Variants in SENP5 observed in about 807,000 individuals in gnomAD.
SENP5 encodes the protein SUMO specific peptidase 5, also known as sentrin-specific protease 5.
Under a neutral mutation model 74.2 loss-of-function variants are expected in SENP5, and 21 were observed. That is an observed-to-expected ratio of 0.28 (90% CI 0.20 to 0.41). The LOEUF is 0.41. SENP5 is among the 10% of genes least tolerant of loss of function. The pLI, the probability that SENP5 is intolerant of heterozygous loss-of-function variation, is 1.00. For synonymous variants in SENP5, 311 were observed against 312.7 expected (o/e 0.99, Z 0.06); for missense variants, 717 against 889.1 (o/e 0.81, Z 2.46).
At chr3:196,920,550 G>A (rs1056731465) in intron 6 of SENP5, among the ~76,000 whole-genome samples, 1 of 152,130 alleles carries the variant, frequency 6.6e-6, no homozygotes, top group Non-Finnish European at 1.5e-5. Flanking sequence ...GGCTAAGACT[G>A]GCTGCAGTGT....
intron 6 of SENP5, among the ~76,000 whole-genome samples, chr3:196,907,772 T>G (rs990031981): frequency 2.0e-5 from 3 of 151,674 alleles, no homozygotes; most frequent in Non-Finnish European, 2.9e-5. Flanking sequence ...GCAAAAAAGA[T>G]CTCATAAAAG....
chr3:196,873,262 G>A (rs1204211823), intron 1 of SENP5, among the ~76,000 whole-genome samples: 4 of 151,292 alleles, frequency 2.6e-5, no homozygotes, highest in Admixed American at 1.3e-4. Flanking sequence ...TAGTAGAGAC[G>A]GGGTTTCTCC....
At chr3:196,904,676 C>T (rs999413096) in intron 6 of SENP5, among the ~76,000 whole-genome samples, 1 of 152,044 alleles carries the variant, frequency 6.6e-6, no homozygotes, top group African/African-American at 2.4e-5. Flanking sequence ...GTAACCCCAG[C>T]TACTTGGGAG....
chr3:196,912,430 G>A (rs2108850020), intron 6 of SENP5, among the ~76,000 whole-genome samples: 1 of 152,218 alleles, frequency 6.6e-6, no homozygotes. Context: ...AGGGGGTTGG[G>A]GGCAAAGAGA....
At chr3:196,895,412 T>C (rs1560148189) in intron 2 of SENP5, among the ~76,000 whole-genome samples, 1 of 152,054 alleles carries the variant, frequency 6.6e-6, no homozygotes. Context: ...GGTCTCGATC[T>C]CCTGACCTCG....
chr3:196,897,126 T>C (rs1364860264), intron 2 of SENP5, among the ~76,000 whole-genome samples: 1 of 152,236 alleles, frequency 6.6e-6, no homozygotes, highest in African/African-American at 2.4e-5. Flanking sequence ...GACACTGCCT[T>C]CTTATTTGAG....
chr3:196,885,657 C>T lies in SENP5; in HGVS notation c.476C>T (p.Thr159Ile). 1 of 1,614,210 alleles carries T rather than the reference C, an allele frequency of 6.2e-7. No homozygotes were observed. Among genetic ancestry groups the T allele is most frequent in the Non-Finnish European group, 8.5e-7 (1 of 1,180,054 alleles). Residue 159 changes from threonine to isoleucine, a missense_variant, in exon 2 of 10, where the codon ACA (threonine) becomes ATA (isoleucine). Thr to Ile is a moderately conservative substitution (Grantham distance 89). Coordinates refer to ENST00000323460, the MANE Select transcript of SENP5 (RefSeq NM_152699.5). ...CAGGCCAATGGTCACAGACCTAGGACAGACCCACAACCTTCTGACTTTCCC... is the reference window on the plus strand; with the variant it reads ...CAGGCCAATGGTCACAGACCTAGGATAGACCCACAACCTTCTGACTTTCCC... ...LGQANGHRPR[T>I]DPQPSDFPMK...
chr3:196,919,451 A>T (rs1349455216), intron 6 of SENP5, among the ~76,000 whole-genome samples: 1 of 152,218 alleles, frequency 6.6e-6, no homozygotes, highest in Admixed American at 6.5e-5. Context: ...ACTGCACTCC[A>T]GCCTGGGCTA....
At chr3:196,901,348 T>G (rs891468561) in intron 5 of SENP5, among the ~76,000 whole-genome samples, 11 of 152,086 alleles carry the variant, frequency 7.2e-5, no homozygotes, top group Non-Finnish European at 1.3e-4. Context: ...CCAGGCCAGC[T>G]TTTTACATTT....
Position 196,885,773 on chromosome 3 carries a change from G to C in SENP5, c.592G>C (p.Gly198Arg). ...CCATAAGAGAAAGGGCTTTTGTTAC[G>C]GCTGCTGCCAAGGGCCGGAGCACCA... Reference protein sequence around the residue: ...NNHKRKGFCYGCCQGPEHHRN... With the variant: ...NNHKRKGFCYRCCQGPEHHRN... Residue 198 changes from glycine to arginine, a missense_variant, in exon 2 of 10, where the codon GGC (glycine) becomes CGC (arginine). Gly to Arg is a moderately radical substitution (Grantham distance 125). Coordinates refer to ENST00000323460, the MANE Select transcript of SENP5 (RefSeq NM_152699.5). 1.9e-6 allele frequency: 3 copies of C among 1,614,170 alleles called. No individual in the cohort carries two copies. The highest frequency in any genetic ancestry group is 2.5e-6 in the Non-Finnish European group (3 of 1,180,032).
intron 1 of SENP5, among the ~76,000 whole-genome samples, chr3:196,881,162 G>A (rs1209651004): frequency 6.6e-6 from 1 of 151,816 alleles, no homozygotes; most frequent in Non-Finnish European, 1.5e-5. Context: ...TGCCCAGAGT[G>A]GTCTCAAACT....
intron 7 of SENP5, among the ~76,000 whole-genome samples, chr3:196,926,147 A>G (rs553707208): frequency 2.2e-4 from 33 of 152,340 alleles, no homozygotes; most frequent in Middle Eastern, 3.4e-3. Flanking sequence ...GCCGGTGACC[A>G]TTTTTAAGGA....
At chr3:196,903,387 GCCT>G in intron 5 of SENP5, 143 bp from the exon 6 acceptor site, 1 of 512,288 alleles carries the variant, frequency 2.0e-6, no homozygotes, top group South Asian at 3.2e-5. Context: ...TGATCCACTT[GCCT>G]CCTCAATCAT....
chr3:196,901,288 G>A (rs552369404), intron 5 of SENP5, among the ~76,000 whole-genome samples: 2 of 151,070 alleles, frequency 1.3e-5, no homozygotes, highest in African/African-American at 4.9e-5. Flanking sequence ...CTGGTGATCC[G>A]CCCACCTCCC....
At chr3:196,902,804 G>A (rs1465033717) in intron 5 of SENP5, among the ~76,000 whole-genome samples, 1 of 152,202 alleles carries the variant, frequency 6.6e-6, no homozygotes, top group Non-Finnish European at 1.5e-5. Flanking sequence ...GTAATTCTGT[G>A]GTACTAGAAA....
intron 2 of SENP5, among the ~76,000 whole-genome samples, chr3:196,898,178 T>TAAAAAAAAA (rs59960385): frequency 4.9e-5 from 7 of 143,360 alleles, no homozygotes; most frequent in East Asian, 2.0e-4. Context: ...GGCTTTGTCT[T>TAAAAAAAAA]AAAAAAAAAG....
intron 6 of SENP5, among the ~76,000 whole-genome samples, chr3:196,916,675 G>A (rs570813057): frequency 5.6e-4 from 85 of 151,928 alleles, no homozygotes; most frequent in Non-Finnish European, 5.4e-4. Context: ...TTACAGGCAT[G>A]TGCCACTATG....
At position 196,929,627 on chromosome 3, in the gene SENP5, C is replaced by T; in HGVS notation, c.2107-6C>T. On this transcript the variant is annotated splice_polypyrimidine_tract_variant and splice_region_variant and intron_variant, in intron 8 of 9. Transcript: ENST00000323460. The stretch of plus-strand genomic sequence containing the variant: ...GTTTTAATGACTATTTTGTTTTTCC[C>T]TTCAGTGTATTCCACAACAGAAAAA... 1 of 1,575,970 alleles carries T rather than the reference C, an allele frequency of 6.3e-7. No individual in the cohort carries two copies. Among genetic ancestry groups the T allele is most frequent in the East Asian group, 2.3e-5 (1 of 44,370 alleles).
chr3:196,931,125 T>C lies in SENP5; in HGVS notation c.*202T>C. The C allele has an allele frequency of 1.8e-6, 1 of 544,312 alleles. No individual in the cohort carries two copies. The highest frequency in any genetic ancestry group is 3.3e-6 in the Non-Finnish European group (1 of 304,748). The allele number at this position is 544,312 out of a possible 1,614,324, so 33.7% of individuals were successfully genotyped here. A position where few individuals can be genotyped will look rare whatever the true frequency, so the allele number is the denominator to read the frequency against. The stretch of plus-strand genomic sequence containing the variant: ...GTTTAATGTTCAGTTTGGTTTCATT[T>C]TTAATTTTATGGTTCTGTGCGTCCC... On this transcript the variant is annotated 3_prime_UTR_variant, in exon 10 of 10. Transcript: ENST00000323460.
Sources: gnomAD v4.1 joint callset for allele counts (sites outside exome capture counted in the v4.1 genomes callset) on GRCh38, gnomAD v4.1.1 for gene constraint, MANE v1.5 for transcripts, NCBI Gene and HGNC (gene_info 2026-07-23, HGNC 2026-07-21) for gene names.